The following L3MBTL3 variants were observed in gnomAD, a reference collection of about 807,000 sequenced individuals.
L3MBTL3 encodes L3MBTL histone methyl-lysine binding protein 3.
L3MBTL3 carries 27 observed loss-of-function variants against 102.3 expected under a neutral mutation model. The ratio of observed to expected loss-of-function variants is 0.26; its 90% CI spans 0.19 to 0.36. The LOEUF (loss-of-function observed/expected upper bound fraction) is 0.36. Ranked by LOEUF, L3MBTL3 falls within the 10% of genes least tolerant of loss-of-function variation. The probability of loss-of-function intolerance (pLI) is 1.00; values close to 1 mark genes in which losing one functional copy is unlikely to be tolerated. For missense variants in L3MBTL3, 798 were observed against 955.3 expected, an observed-to-expected ratio of 0.84 and a Z score of 2.17; for synonymous variants, 340 against 320.9, an observed-to-expected ratio of 1.06 and a Z score of -0.64.
chr6:130,065,496 G>A (rs915804295), intron 10 of L3MBTL3, among the ~76,000 whole-genome samples: 1 of 152,132 alleles, frequency 6.6e-6, no homozygotes, highest in African/African-American at 2.4e-5. Flanking sequence ...AACTTTCCAT[G>A]ACAGTAACTG....
At chr6:130,043,287 A>G (rs1210246024) in intron 3 of L3MBTL3, among the ~76,000 whole-genome samples, 2 of 152,198 alleles carry the variant, frequency 1.3e-5, no homozygotes, top group African/African-American at 4.8e-5. Context: ...TACTGTAAAT[A>G]TGGATTTTTA....
intron 16 of L3MBTL3, among the ~76,000 whole-genome samples, chr6:130,088,183 G>A (rs182731398): frequency 6.6e-6 from 1 of 152,210 alleles, no homozygotes; most frequent in East Asian, 1.9e-4. Flanking sequence ...GCTGTGAGGG[G>A]TACAGTTGAC....
chr6:130,125,517 G>A lies in L3MBTL3; in HGVS notation c.1966+4559G>A, dbSNP rs531137577. 3.9e-4 allele frequency among the ~76,000 whole-genome samples: 59 copies of A among 152,196 alleles called. 1 individual carries two copies. The highest frequency in any genetic ancestry group is 8.7e-4 in the African/African-American group (36 of 41,540). On this transcript the variant is annotated intron_variant, in intron 20 of 22. Transcript: ENST00000361794. ...TTCTGTTTGATCATTTTTGCGTCCC[G>A]AGAAGTTTTCCCAAGGTCTTTTGTG...
intron 2 of L3MBTL3, among the ~76,000 whole-genome samples, chr6:130,027,611 T>C (rs771727459): frequency 3.5e-4 from 53 of 152,062 alleles, no homozygotes; most frequent in Admixed American, 1.0e-3. Context: ...TAGACTTCTG[T>C]GAAAGAAAAA....
chr6:130,111,125 A>C (rs1249073298), intron 19 of L3MBTL3, among the ~76,000 whole-genome samples: 1 of 152,182 alleles, frequency 6.6e-6, no homozygotes, highest in African/African-American at 2.4e-5. Flanking sequence ...AATTGCAAGT[A>C]GTTTACTTAG....
chr6:130,095,435 C>G lies in L3MBTL3; in HGVS notation c.1736+1068C>G, dbSNP rs76092649. The stretch of plus-strand genomic sequence containing the variant: ...CCAGAGTGAGAAGTCTGAGCATAGA[C>G]AGGATGATGATGATTCCGTTTGCAA... On this transcript the variant is annotated intron_variant, in intron 18 of 22. Transcript: ENST00000361794. 2.0e-4 allele frequency among the ~76,000 whole-genome samples: 30 copies of G among 152,240 alleles called. No individual in the cohort carries two copies. The East Asian group carries it at 5.4e-3, about 27-fold the overall frequency.
chr6:130,031,359 A>G (rs906857796), intron 2 of L3MBTL3, among the ~76,000 whole-genome samples: 2 of 152,206 alleles, frequency 1.3e-5, no homozygotes, highest in Non-Finnish European at 2.9e-5. Context: ...TTTATTTTGT[A>G]TAGCTCAGTG....
chr6:130,115,371 A>G (rs1017615880), intron 19 of L3MBTL3, among the ~76,000 whole-genome samples: 5 of 152,250 alleles, frequency 3.3e-5, no homozygotes, highest in Non-Finnish European at 5.9e-5. Flanking sequence ...CTACATGGCA[A>G]TCTGCATCTG....
At chr6:130,109,077 G>T (rs749354176) in intron 19 of L3MBTL3, among the ~76,000 whole-genome samples, 2 of 152,158 alleles carry the variant, frequency 1.3e-5, no homozygotes, top group Non-Finnish European at 2.9e-5. Flanking sequence ...TGGTGTATGT[G>T]TGTCACATTT....
intron 2 of L3MBTL3, among the ~76,000 whole-genome samples, chr6:130,024,076 G>A (rs1660417919): frequency 6.6e-6 from 1 of 152,088 alleles, no homozygotes; most frequent in Non-Finnish European, 1.5e-5. Context: ...TAGAAGGGTT[G>A]GTGTGAGGGG....
chr6:130,069,471 A>G (rs1782482531), intron 12 of L3MBTL3, among the ~76,000 whole-genome samples: 1 of 152,194 alleles, frequency 6.6e-6, no homozygotes, highest in South Asian at 2.1e-4. Flanking sequence ...TACAGAACTG[A>G]CACATTGTGT....
chr6:130,092,708 A>T, intron 16 of L3MBTL3, 37 bp from the exon 17 acceptor site: 1 of 1,331,412 alleles, frequency 7.5e-7, no homozygotes. Context: ...AACTTTTATG[A>T]CTTAATTTGT....
At position 130,049,771 on chromosome 6, in the gene L3MBTL3, C is replaced by G. The variant is rs146707238; in HGVS notation, c.230C>G (p.Pro77Arg). Residue 77 changes from proline to arginine, a missense_variant, in exon 5 of 23, where the codon CCG becomes CGG. Physicochemically the swap from Pro to Arg is moderately radical, Grantham distance 103 (BLOSUM62 -2). Transcript: ENST00000361794. ...ACATCTCCAGCCCCGACCTCTCCCC[C>G]GAGCTCCAGGCCCGTATTTCCACCT... ...PTAQEAPTSPPSSRPVFPPAY... is the reference protein window; with the variant it reads ...PTAQEAPTSPRSSRPVFPPAY... 11 of 1,613,980 alleles carry G rather than the reference C, an allele frequency of 6.8e-6. No individual in the cohort carries two copies. Among genetic ancestry groups the G allele is most frequent in the Non-Finnish European group, 9.3e-6 (11 of 1,179,992 alleles).
intron 9 of L3MBTL3, among the ~76,000 whole-genome samples, chr6:130,059,183 G>T (rs534524628): frequency 2.6e-5 from 4 of 151,894 alleles, no homozygotes; most frequent in Non-Finnish European, 5.9e-5. Flanking sequence ...TTATAGCCCT[G>T]CCCCCCCAGG....
intron 2 of L3MBTL3, among the ~76,000 whole-genome samples, chr6:130,030,964 T>A (rs1190841913): frequency 1.3e-5 from 2 of 152,216 alleles, no homozygotes; most frequent in Admixed American, 6.5e-5. Context: ...CATGTTTGTT[T>A]CCCTTTCATG....
intron 16 of L3MBTL3, among the ~76,000 whole-genome samples, chr6:130,091,099 T>A (rs1331745575): frequency 6.6e-6 from 1 of 152,214 alleles, no homozygotes; most frequent in Non-Finnish European, 1.5e-5. Flanking sequence ...TATTTTATAA[T>A]ACTTGCCATT....
intron 15 of L3MBTL3, 148 bp downstream of exon 15, chr6:130,083,853 T>G: frequency 2.3e-6 from 1 of 430,366 alleles, no homozygotes; most frequent in East Asian, 3.8e-5. Context: ...TTTACAATTT[T>G]TAAAGTCAAA....
chr6:130,049,162 T>G (rs1375502816), intron 3 of L3MBTL3, 120 bp from the exon 4 acceptor site: 16 of 637,696 alleles, frequency 2.5e-5, no homozygotes, highest in South Asian at 1.4e-4. Flanking sequence ...GATATAATTG[T>G]CTAAATTAAC....
chr6:130,052,573 CAAAT>C (rs1438818184), intron 6 of L3MBTL3, among the ~76,000 whole-genome samples: 5 of 152,196 alleles, frequency 3.3e-5, no homozygotes, highest in South Asian at 2.1e-4. Flanking sequence ...ATGTGACAGA[CAAAT>C]AACTTGTTAG....
Sources: gnomAD v4.1 joint callset for allele counts (sites outside exome capture counted in the v4.1 genomes callset) on GRCh38, gnomAD v4.1.1 for gene constraint, MANE v1.5 for transcripts, NCBI Gene and HGNC (gene_info 2026-07-23, HGNC 2026-07-21) for gene names.